The following CCDC146 variants were observed in gnomAD, a reference collection of about 807,000 sequenced individuals.
The protein encoded by CCDC146 is coiled-coil domain containing 146.
A neutral mutation model predicts 119.3 loss-of-function variants in CCDC146; 92 were observed. The observed-to-expected ratio is 0.77, with a 90% CI of 0.65 to 0.92. The LOEUF (loss-of-function observed/expected upper bound fraction) is 0.92. CCDC146 is among the 40% of genes least tolerant of loss of function. The pLI is 0.00. For missense variants in CCDC146, 1,000 were observed against 1,103.0 expected (o/e 0.91, Z 1.32); for synonymous variants, 372 against 371.8 (o/e 1.00, Z -0.01).
intron 3 of CCDC146, among the ~76,000 whole-genome samples, chr7:77,238,570 C>T (rs945167582): frequency 3.9e-5 from 6 of 152,252 alleles, no homozygotes; most frequent in Admixed American, 2.6e-4. Flanking sequence ...GAGCCCGCCA[C>T]CACACCCAGC....
chr7:77,238,897 G>C (rs17804268), intron 3 of CCDC146, among the ~76,000 whole-genome samples: 16,062 of 152,170 alleles, frequency 0.11, 1,111 homozygotes, highest in Non-Finnish European at 0.16. Flanking sequence ...CTTCCCTTCT[G>C]CTACCCACAT....
intron 9 of CCDC146, among the ~76,000 whole-genome samples, chr7:77,271,052 G>GAAAAAA (rs11294929): frequency 7.4e-6 from 1 of 134,390 alleles, no homozygotes. Flanking sequence ...TGCAGCTCTG[G>GAAAAAA]AAAAAAAAAA....
chr7:77,183,392 A>G (rs1473450826), intron 2 of CCDC146, among the ~76,000 whole-genome samples: 1 of 152,204 alleles, frequency 6.6e-6, no homozygotes, highest in East Asian at 1.9e-4. Flanking sequence ...GTAGATACTT[A>G]ACTTTGACTT....
chr7:77,148,529 T>A (rs1367101155), intron 1 of CCDC146, among the ~76,000 whole-genome samples: 1 of 151,940 alleles, frequency 6.6e-6, no homozygotes, highest in Non-Finnish European at 1.5e-5. Flanking sequence ...ACTGCAGCTG[T>A]TCCTATTCAG....
At chr7:77,151,328 A>G (rs1377467231) in intron 1 of CCDC146, among the ~76,000 whole-genome samples, 1 of 152,086 alleles carries the variant, frequency 6.6e-6, no homozygotes, top group Non-Finnish European at 1.5e-5. Flanking sequence ...TTCTCTTTAC[A>G]TGAAATTCTA....
intron 4 of CCDC146, among the ~76,000 whole-genome samples, chr7:77,244,040 G>C (rs984159268): frequency 3.9e-5 from 6 of 152,150 alleles, no homozygotes; most frequent in African/African-American, 1.4e-4. Flanking sequence ...ACCATGCCCA[G>C]CTAATTTTTG....
chr7:77,242,423 G>A, intron 4 of CCDC146: 1 of 981,644 alleles, frequency 1.0e-6, no homozygotes, highest in Non-Finnish European at 1.2e-6. Context: ...CAGGATCAAG[G>A]AGAAAAGGTA....
In CCDC146 at chr7:77,282,791, T is replaced by C; in HGVS notation, c.2148+6T>C. 6 of 1,602,506 alleles carry C rather than the reference T, an allele frequency of 3.7e-6. No individual in the cohort carries two copies. The highest frequency in any genetic ancestry group is 5.1e-6 in the Non-Finnish European group (6 of 1,169,762). On this transcript the variant is annotated splice_donor_region_variant and intron_variant, in intron 15 of 18. Transcript: ENST00000285871. Reference sequence around the variant, plus strand: ...TAGCTGTGCTCCAAATTCAGGTGGGTGAGTGATCACGGGACACTTCCTCAG... The same window carrying C: ...TAGCTGTGCTCCAAATTCAGGTGGGCGAGTGATCACGGGACACTTCCTCAG...
At chr7:77,271,668 A>G (rs1424495570) in intron 9 of CCDC146, among the ~76,000 whole-genome samples, 6 of 150,792 alleles carry the variant, frequency 4.0e-5, no homozygotes, top group African/African-American at 7.3e-5. Flanking sequence ...ATGGCTTATC[A>G]TGTCACCTCT....
intron 2 of CCDC146, chr7:77,198,398 A>C (rs1584063576): frequency 4.8e-6 from 4 of 838,324 alleles, no homozygotes; most frequent in Non-Finnish European, 5.7e-6. Flanking sequence ...CTCAGGTGAA[A>C]AGCCAAGGTT....
intron 8 of CCDC146, 39 bp downstream of exon 8, chr7:77,260,275 A>G (rs1462959366): frequency 1.0e-5 from 15 of 1,434,478 alleles, no homozygotes; most frequent in Non-Finnish European, 1.4e-5. Flanking sequence ...TGTCATCTAA[A>G]TTTTTCTTCA....
chr7:77,133,828 T>TAGACACACACACACAC (rs1790821461), intron 1 of CCDC146, among the ~76,000 whole-genome samples: 1 of 143,692 alleles, frequency 7.0e-6, no homozygotes, highest in East Asian at 2.0e-4. Context: ...TATGCTTAGG[T>TAGACACACACACACAC]ACACACACAC....
In CCDC146 at chr7:77,292,986, C is replaced by T; in HGVS notation, c.2450C>T (p.Thr817Ile). The T allele has an allele frequency of 6.2e-7, 1 of 1,613,846 alleles. No homozygotes were observed. The highest frequency in any genetic ancestry group is 2.2e-5 in the East Asian group (1 of 44,854). Residue 817 changes from threonine (T) to isoleucine (I), a missense_variant, in exon 18 of 19, where the codon ACT becomes ATT. Physicochemically the swap from Thr to Ile is moderately conservative, Grantham distance 89. Transcript: ENST00000285871. ...NGYQRRIKNA[T>I]EKMMALVAEL... ...TATCAAAGAAGGATCAAAAATGCAA[C>T]TGAGAAAATGATGGCTCTTGTTGCT...
At chr7:77,197,225 G>A (rs184042740) in intron 2 of CCDC146, among the ~76,000 whole-genome samples, 1 of 152,322 alleles carries the variant, frequency 6.6e-6, no homozygotes, top group East Asian at 1.9e-4. Context: ...AGCATCAACA[G>A]CAAACGACAA....
intron 2 of CCDC146, among the ~76,000 whole-genome samples, chr7:77,172,556 T>C (rs1265791146): frequency 6.6e-6 from 1 of 152,214 alleles, no homozygotes; most frequent in Non-Finnish European, 1.5e-5. Flanking sequence ...TGCTCTCGTC[T>C]CATATTGCCT....
chr7:77,147,662 T>C (rs1791042189), intron 1 of CCDC146, among the ~76,000 whole-genome samples: 2 of 152,222 alleles, frequency 1.3e-5, no homozygotes, highest in African/African-American at 2.4e-5. Flanking sequence ...TGTTGGAGTT[T>C]GCTGGAGGTC....
intron 1 of CCDC146, among the ~76,000 whole-genome samples, chr7:77,148,616 G>C (rs1791060339): frequency 6.6e-6 from 1 of 152,030 alleles, no homozygotes; most frequent in Admixed American, 6.6e-5. Flanking sequence ...AAGCTGATGA[G>C]CAACTTTGTC....
At chr7:77,294,531 C>A (rs982179047) in intron 18 of CCDC146, 132 bp from the exon 19 acceptor site, 1 of 686,826 alleles carries the variant, frequency 1.5e-6, no homozygotes. Context: ...TCCTACCCCT[C>A]CCATCCCTTT....
At chr7:77,255,868 G>C (rs1284700119) in intron 5 of CCDC146, among the ~76,000 whole-genome samples, 1 of 152,048 alleles carries the variant, frequency 6.6e-6, no homozygotes, top group East Asian at 1.9e-4. Flanking sequence ...CAAAGTGTTG[G>C]GTATCCAAAT....
Sources: allele counts gnomAD v4.1 joint callset (sites outside exome capture counted in the v4.1 genomes callset), GRCh38; gene constraint gnomAD v4.1.1; transcripts MANE v1.5; gene names NCBI Gene and HGNC (gene_info 2026-07-23, HGNC 2026-07-21).